Variants in MEGF10 observed in about 807,000 individuals in gnomAD.
The protein encoded by MEGF10 is multiple epidermal growth factor-like domains protein 10.
A neutral mutation model predicts 147.5 loss-of-function variants in MEGF10; 86 were observed. That is an observed-to-expected ratio of 0.58 (90% CI 0.49 to 0.70). MEGF10 has a LOEUF of 0.70. Ranked by LOEUF, MEGF10 falls within the 30% of genes least tolerant of loss-of-function variation. The probability of loss-of-function intolerance (pLI) is 0.00; values close to 1 mark genes in which losing one functional copy is unlikely to be tolerated. For missense variants in MEGF10, 1,329 were observed against 1,487.3 expected (o/e 0.89, Z 1.75); for synonymous variants, 478 against 525.5 (o/e 0.91, Z 1.24).
chr5:127,296,712 G>A (rs1460177741), intron 1 of MEGF10, among the ~76,000 whole-genome samples: 1 of 152,074 alleles, frequency 6.6e-6, no homozygotes, highest in African/African-American at 2.4e-5. Flanking sequence ...AATTTTTGAT[G>A]GCAAATTGAA....
the MEGF10 span, among the ~76,000 whole-genome samples, chr5:127,279,413 GAAGA>G: frequency 6.6e-6 from 1 of 152,124 alleles, no homozygotes; most frequent in Non-Finnish European, 1.5e-5. Context: ...ATGTTCATTG[GAAGA>G]AAGGAGATCC....
In MEGF10 at chr5:127,396,632, G is replaced by A. The variant is rs746466210; in HGVS notation, c.513G>A (p.Ala171=). 16 of 1,613,860 alleles carry A rather than the reference G, an allele frequency of 9.9e-6. No individual in the cohort carries two copies. The highest frequency in any genetic ancestry group is 1.7e-5 in the Admixed American group (1 of 60,006). ...NPITGACHCA[A]GFRGWRCEDR... The stretch of plus-strand genomic sequence containing the variant: ...TCACCGGGGCTTGCCACTGTGCTGC[G>A]GGCTTCCGGGGCTGGCGCTGCGAGG... Residue 171 remains alanine, a synonymous_variant, in exon 6 of 25, where the codon GCG becomes GCA. Transcript: ENST00000503335.
intron 4 of MEGF10, among the ~76,000 whole-genome samples, chr5:127,354,908 A>G (rs1160482898): frequency 6.6e-6 from 1 of 152,142 alleles, no homozygotes; most frequent in East Asian, 1.9e-4. Context: ...TAGGAGAGGG[A>G]TTGGCAGGCT....
chr5:127,392,807 G>A (rs897538539), intron 5 of MEGF10, among the ~76,000 whole-genome samples: 12 of 152,278 alleles, frequency 7.9e-5, no homozygotes, highest in South Asian at 6.2e-4. Flanking sequence ...TGGATTATAT[G>A]TAATCCAAGT....
intron 13 of MEGF10, among the ~76,000 whole-genome samples, chr5:127,427,329 G>A (rs1047440813): frequency 6.6e-6 from 1 of 152,130 alleles, no homozygotes; most frequent in Non-Finnish European, 1.5e-5. Context: ...GGTGGTTCAA[G>A]GATGTGTTTA....
chr5:127,319,827 A>G (rs766444377), intron 1 of MEGF10, among the ~76,000 whole-genome samples: 17 of 152,358 alleles, frequency 1.1e-4, no homozygotes, highest in Admixed American at 5.2e-4. Flanking sequence ...AGCCACAGAA[A>G]GAAAGTAATT....
intron 9 of MEGF10, among the ~76,000 whole-genome samples, chr5:127,416,010 AGTTTTT>A (rs772484128): frequency 1.6e-5 from 2 of 123,976 alleles, no homozygotes; most frequent in African/African-American, 8.6e-5. Flanking sequence ...ACAAGGGCTC[AGTTTTT>A]GTTTTTGTTT....
At chr5:127,355,824 CAGA>C (rs1261635721) in intron 4 of MEGF10, among the ~76,000 whole-genome samples, 6 of 151,540 alleles carry the variant, frequency 4.0e-5, no homozygotes, top group African/African-American at 1.5e-4. Context: ...TCAATCTAAA[CAGA>C]AGGAGATCAT....
Position 127,375,038 on chromosome 5 carries a change from TAA to T in MEGF10, c.412+5037_412+5038del, listed in dbSNP as rs1455858896. Among the ~76,000 whole-genome samples the T allele has an allele frequency of 9.2e-5, 14 of 152,312 alleles. 1 individual carries two copies. In the East Asian group the frequency reaches 2.7e-3, roughly 29 times the overall value. On this transcript the variant is annotated intron_variant, in intron 5 of 24. Transcript: ENST00000503335. Reference sequence around the variant, plus strand: ...AACTTCATTACTGTCATGGGAGTATTAAGAGGTATTCCACAGAATCCTCGGGT... The same window carrying T: ...AACTTCATTACTGTCATGGGAGTATTGAGGTATTCCACAGAATCCTCGGGT...
intron 8 of MEGF10, among the ~76,000 whole-genome samples, 198 bp downstream of exon 8, chr5:127,402,880 A>T (rs1764185750): frequency 6.6e-6 from 1 of 152,180 alleles, no homozygotes; most frequent in Non-Finnish European, 1.5e-5. Context: ...AGCAATGGTA[A>T]ATTGAAGATA....
chr5:127,337,843 C>T (rs1396776573), intron 2 of MEGF10, among the ~76,000 whole-genome samples: 2 of 152,114 alleles, frequency 1.3e-5, no homozygotes, highest in South Asian at 2.1e-4. Context: ...AGTGTCAGTA[C>T]AGAATTATAA....
chr5:127,396,127 C>T (rs1437637136), intron 5 of MEGF10, among the ~76,000 whole-genome samples: 2 of 152,136 alleles, frequency 1.3e-5, no homozygotes. Context: ...CAATCCAAAC[C>T]CCTTAATATG....
chr5:127,340,543 A>T lies in MEGF10; in HGVS notation c.232A>T (p.Thr78Ser), dbSNP rs1349550851. Residue 78 changes from threonine to serine, a missense_variant, in exon 4 of 25, where the codon ACA becomes TCA. Physicochemically the swap from Thr to Ser is moderately conservative, Grantham distance 58. Transcript: ENST00000503335. The part of the protein sequence containing the change: ...KCTRHRVSYR[T>S]AYRHGEKTMY... ...CCTTCTCTATAGAGTCAGCTATCGG[A>T]CAGCCTATCGACATGGGGAGAAGAC... The T allele has an allele frequency of 1.9e-6, 3 of 1,612,618 alleles. No homozygotes were observed. In the South Asian group the frequency reaches 3.3e-5, roughly 18 times the overall value.
chr5:127,276,919 G>A, the MEGF10 span, among the ~76,000 whole-genome samples: 1 of 152,098 alleles, frequency 6.6e-6, no homozygotes, highest in Non-Finnish European at 1.5e-5. Flanking sequence ...AAGGCTCATT[G>A]AGAAGATGAA....
chr5:127,303,484 G>A (rs1268848030), intron 1 of MEGF10, among the ~76,000 whole-genome samples: 1 of 151,912 alleles, frequency 6.6e-6, no homozygotes, highest in Non-Finnish European at 1.5e-5. Context: ...AACAGAAAAT[G>A]AAATAAAAAT....
At chr5:127,322,939 T>A (rs1760845685) in intron 1 of MEGF10, among the ~76,000 whole-genome samples, 1 of 151,976 alleles carries the variant, frequency 6.6e-6, no homozygotes, top group South Asian at 2.1e-4. Context: ...ATATATATAT[T>A]TACACAATGT....
At chr5:127,248,399 A>G in the MEGF10 span, among the ~76,000 whole-genome samples, 1 of 152,104 alleles carries the variant, frequency 6.6e-6, no homozygotes, top group African/African-American at 2.4e-5. Flanking sequence ...AATACAATAG[A>G]AAGAGATCCT....
chr5:127,293,830 T>C (rs141487106), intron 1 of MEGF10, among the ~76,000 whole-genome samples: 72 of 152,344 alleles, frequency 4.7e-4, no homozygotes, highest in Middle Eastern at 3.4e-3. Flanking sequence ...CTGGTAAAGC[T>C]GACGTCAGAT....
At chr5:127,338,627 ATTCCAAG>A (rs1393698745) in intron 2 of MEGF10, among the ~76,000 whole-genome samples, 1 of 152,134 alleles carries the variant, frequency 6.6e-6, no homozygotes, top group Non-Finnish European at 1.5e-5. Context: ...AAATCAAATT[ATTCCAAG>A]TTCCAACTAG....
Sources: gnomAD v4.1 joint callset for allele counts (sites outside exome capture counted in the v4.1 genomes callset) on GRCh38, gnomAD v4.1.1 for gene constraint, MANE v1.5 for transcripts, NCBI Gene and HGNC (gene_info 2026-07-23, HGNC 2026-07-21) for gene names.